Variants in AGMO observed in about 807,000 individuals in gnomAD.
AGMO encodes glyceryl-ether monooxygenase.
AGMO carries 75 observed loss-of-function variants against 60.2 expected under a neutral mutation model. That is an observed-to-expected ratio of 1.25 (90% CI 1.03 to 1.51). The LOEUF (loss-of-function observed/expected upper bound fraction) is 1.51, where lower values mean the gene tolerates loss of function less well. AGMO is among the 40% of genes most tolerant of loss of function. The probability of loss-of-function intolerance (pLI) is 0.00; values close to 1 mark genes in which losing one functional copy is unlikely to be tolerated. For missense variants in AGMO, 763 were observed against 525.5 expected, an observed-to-expected ratio of 1.45 and a Z score of -4.42; for synonymous variants, 261 against 177.1, an observed-to-expected ratio of 1.47 and a Z score of -3.76.
intron 2 of AGMO, among the ~76,000 whole-genome samples, chr7:15,547,376 G>C (rs139727332): frequency 1.3e-5 from 2 of 148,468 alleles, no homozygotes; most frequent in African/African-American, 5.3e-5. Flanking sequence ...CGCAGAAGAC[G>C]GGTGATTTCT....
At chr7:15,469,168 T>A (rs1782372248) in intron 3 of AGMO, among the ~76,000 whole-genome samples, 1 of 152,178 alleles carries the variant, frequency 6.6e-6, no homozygotes, top group South Asian at 2.1e-4. Context: ...TCTAGACCAA[T>A]CTCACATGTG....
At chr7:15,204,121 A>G (rs562118385) in intron 12 of AGMO, among the ~76,000 whole-genome samples, 20 of 152,234 alleles carry the variant, frequency 1.3e-4, no homozygotes, top group African/African-American at 4.6e-4. Flanking sequence ...AGAAGAAAAC[A>G]GAGTTAATTT....
At chr7:15,461,110 A>T (rs1426764918) in intron 3 of AGMO, among the ~76,000 whole-genome samples, 1 of 152,070 alleles carries the variant, frequency 6.6e-6, no homozygotes, top group Non-Finnish European at 1.5e-5. Flanking sequence ...CCCCTAGATA[A>T]GGAGATATCT....
At chr7:15,277,664 G>A (rs145125666) in intron 12 of AGMO, among the ~76,000 whole-genome samples, 1 of 152,048 alleles carries the variant, frequency 6.6e-6, no homozygotes. Flanking sequence ...GGATTGTGCA[G>A]TTCAATCTAT....
chr7:15,337,539 A>C (rs1781699756), intron 12 of AGMO, among the ~76,000 whole-genome samples: 1 of 152,140 alleles, frequency 6.6e-6, no homozygotes, highest in African/African-American at 2.4e-5. Context: ...TTTTGGAGAA[A>C]AGGGCAGGTG....
chr7:15,303,681 A>T (rs4439006), intron 12 of AGMO, among the ~76,000 whole-genome samples: 1 of 151,980 alleles, frequency 6.6e-6, no homozygotes, highest in African/African-American at 2.4e-5. Context: ...TGAAGGTGCT[A>T]AAAAGCAGAA....
downstream of AGMO, among the ~76,000 whole-genome samples, chr7:15,198,251 G>GAGACAGAGAC (rs1563030503): frequency 1.3e-5 from 1 of 74,368 alleles, no homozygotes; most frequent in South Asian, 4.9e-4. Flanking sequence ...GAGAGAGAGA[G>GAGACAGAGAC]AGAGACAGAG....
intron 3 of AGMO, among the ~76,000 whole-genome samples, chr7:15,518,451 G>A (rs568309749): frequency 7.2e-5 from 11 of 152,254 alleles, no homozygotes; most frequent in African/African-American, 2.6e-4. Flanking sequence ...GTGGCCCTCT[G>A]GGACAGAGCT....
chr7:15,307,791 T>G (rs1301697648), intron 12 of AGMO, among the ~76,000 whole-genome samples: 11 of 152,048 alleles, frequency 7.2e-5, no homozygotes, highest in Non-Finnish European at 1.6e-4. Flanking sequence ...GATCTTTGCC[T>G]TTTCCTGGGT....
chr7:15,212,738 A>G (rs920710083), intron 12 of AGMO, among the ~76,000 whole-genome samples: 7 of 151,886 alleles, frequency 4.6e-5, no homozygotes, highest in Non-Finnish European at 1.0e-4. Flanking sequence ...TTTGAGTAGC[A>G]TTTTGGGGAT....
chr7:15,271,520 T>A (rs576390333), intron 12 of AGMO, among the ~76,000 whole-genome samples: 2 of 152,196 alleles, frequency 1.3e-5, no homozygotes, highest in African/African-American at 4.8e-5. Flanking sequence ...TAATTTTGTA[T>A]CTTGAAAATT....
At chr7:15,305,681 T>C (rs1260939910) in intron 12 of AGMO, among the ~76,000 whole-genome samples, 1 of 151,998 alleles carries the variant, frequency 6.6e-6, no homozygotes, top group African/African-American at 2.4e-5. Context: ...GATCTGGATT[T>C]TACTGTAGAC....
chr7:15,165,231 G>A, the AGMO span, among the ~76,000 whole-genome samples: 6 of 152,130 alleles, frequency 3.9e-5, no homozygotes, highest in African/African-American at 4.8e-5. Flanking sequence ...GATGCTAAAA[G>A]TGGGGAGGGA....
At chr7:15,549,024 A>C (rs1784869556) in intron 2 of AGMO, among the ~76,000 whole-genome samples, 1 of 150,972 alleles carries the variant, frequency 6.6e-6, no homozygotes, top group African/African-American at 2.5e-5. Flanking sequence ...ACATTGTTAA[A>C]GAAAAGAATT....
intron 12 of AGMO, among the ~76,000 whole-genome samples, chr7:15,313,487 A>T (rs1253937596): frequency 6.6e-6 from 1 of 152,200 alleles, no homozygotes; most frequent in Non-Finnish European, 1.5e-5. Context: ...GGCTTCCTGA[A>T]AAGGATGGGC....
chr7:15,237,729 G>T (rs1782469224), intron 12 of AGMO, among the ~76,000 whole-genome samples: 1 of 152,012 alleles, frequency 6.6e-6, no homozygotes, highest in Non-Finnish European at 1.5e-5. Flanking sequence ...GACCAACACA[G>T]TCTTAACGTT....
intron 12 of AGMO, among the ~76,000 whole-genome samples, chr7:15,320,027 G>GC (rs1331704545): frequency 6.6e-6 from 1 of 151,366 alleles, no homozygotes; most frequent in Non-Finnish European, 1.5e-5. Context: ...ACCAAACACC[G>GC]CATGTTGTTC....
At chr7:15,213,516 A>T (rs879502162) in intron 12 of AGMO, among the ~76,000 whole-genome samples, 2 of 151,972 alleles carry the variant, frequency 1.3e-5, no homozygotes, top group African/African-American at 4.8e-5. Context: ...CATCAGAAAT[A>T]TTGGTTCTTG....
intron 12 of AGMO, among the ~76,000 whole-genome samples, chr7:15,286,503 C>A (rs1784104064): frequency 1.3e-5 from 2 of 151,970 alleles, no homozygotes; most frequent in Admixed American, 1.3e-4. Flanking sequence ...CAAGAAAATT[C>A]AAATTAAAAC....
Sources: allele counts gnomAD v4.1 joint callset (sites outside exome capture counted in the v4.1 genomes callset), GRCh38; gene constraint gnomAD v4.1.1; transcripts MANE v1.5; gene names NCBI Gene and HGNC (gene_info 2026-07-23, HGNC 2026-07-21).